HADHA: variants seen among roughly 807,000 people sequenced by gnomAD.
HADHA encodes trifunctional enzyme subunit alpha, mitochondrial.
A neutral mutation model predicts 91.3 loss-of-function variants in HADHA; 59 were observed. The ratio of observed to expected loss-of-function variants is 0.65; its 90% confidence interval spans 0.52 to 0.80. HADHA has a LOEUF of 0.80. Ranked by LOEUF, HADHA falls within the 30% of genes least tolerant of loss-of-function variation. HADHA has a pLI of 0.00. For missense variants in HADHA, 800 were observed against 927.6 expected (o/e 0.86, Z 1.79); for synonymous variants, 320 against 338.9 (o/e 0.94, Z 0.61).
intron 4 of HADHA, among the ~76,000 whole-genome samples, chr2:26,234,765 CAA>C (rs199781944): frequency 4.7e-4 from 42 of 88,924 alleles, no homozygotes; most frequent in Admixed American, 4.7e-4. Context: ...GACTCTGTCT[CAA>C]AAAAAAAAAA....
At chr2:26,213,776 T>C (rs1670156688) in intron 9 of HADHA, among the ~76,000 whole-genome samples, 1 of 152,220 alleles carries the variant, frequency 6.6e-6, no homozygotes. Context: ...GTCCAGCCTG[T>C]GAGACGAAGG....
rs754004337 is a variant in HADHA at position 26,209,903 on chromosome 2, G to T, written c.976-14C>A. On this transcript the variant is annotated splice_polypyrimidine_tract_variant and intron_variant, in intron 10 of 19. Coordinates refer to ENST00000380649, the MANE Select transcript of HADHA (RefSeq NM_000182.5). ...CTCTCCAAATTTCTGAAAAGTAAAG[G>T]GGAATGAGAAAAGGTAGAACTTCAC... The T allele has an allele frequency of 1.5e-6, 2 of 1,308,020 alleles. No homozygotes were observed. The highest frequency in any genetic ancestry group is 1.1e-6 in the Non-Finnish European group (1 of 900,406). 81.0% of individuals were successfully genotyped at this position (1,308,020 alleles called of 1,614,324 possible).
rs11406704 is a variant in HADHA, at chr2:26,216,317, A to ATTTT, written c.677-1146_677-1143dup. Among the ~76,000 whole-genome samples the ATTTT allele has an allele frequency of 1.7e-4, 19 of 110,152 alleles. 1 individual carries two copies. Among genetic ancestry groups the ATTTT allele is most frequent in the African/African-American group, 2.8e-4 (8 of 28,306 alleles). 72.3% of individuals were successfully genotyped at this position (110,152 alleles called of 152,430 possible). Reference sequence around the variant, plus strand: ...ATCTCTCCCTTAAGACATTTGACCTATTTTTTTTTTTTTTTTTTTTTGAGA... The same window carrying ATTTT: ...ATCTCTCCCTTAAGACATTTGACCTATTTTTTTTTTTTTTTTTTTTTTTTTGAGA... On this transcript the variant is annotated intron_variant, in intron 7 of 19. Coordinates refer to ENST00000380649, the MANE Select transcript of HADHA (RefSeq NM_000182.5).
At chr2:26,217,310 C>T (rs1670261134) in intron 7 of HADHA, among the ~76,000 whole-genome samples, 1 of 152,134 alleles carries the variant, frequency 6.6e-6, no homozygotes, top group African/African-American at 2.4e-5. Flanking sequence ...AACAAACAAC[C>T]CAGAGCTTCA....
intron 1 of HADHA, 88 bp downstream of exon 1, chr2:26,244,442 C>T (rs1671023206): frequency 4.5e-6 from 6 of 1,327,086 alleles, no homozygotes; most frequent in African/African-American, 1.5e-5. Context: ...GGGCAGGCGG[C>T]AGCGAAAGGG....
In HADHA at chr2:26,200,793, C is replaced by T. The variant is rs572922630; in HGVS notation, c.1392+356G>A. ...TGTCACCCAGACTGGAGTGCAGTGG[C>T]GTGATCTCGGCTCACTGCAACCTCT... is the stretch of plus-strand genomic sequence containing the variant. On this transcript the variant is annotated intron_variant, in intron 13 of 19. Coordinates refer to ENST00000380649, the MANE Select transcript of HADHA (RefSeq NM_000182.5). Among the ~76,000 whole-genome samples the T allele has an allele frequency of 1.1e-3, 168 of 150,904 alleles. No individual in the cohort carries two copies. In the Middle Eastern group the frequency reaches 0.014, roughly 12 times the overall value.
chr2:26,201,350 G>A (rs1206961389), intron 12 of HADHA, 30 bp from the exon 13 acceptor site: 8 of 1,493,378 alleles, frequency 5.4e-6, no homozygotes, highest in Non-Finnish European at 7.5e-6. Flanking sequence ...AGTTAGATGG[G>A]AAGAAAAGGA....
intron 7 of HADHA, among the ~76,000 whole-genome samples, chr2:26,225,265 G>C (rs536610177): frequency 6.6e-6 from 1 of 152,050 alleles, no homozygotes; most frequent in South Asian, 2.1e-4. Flanking sequence ...CAGGTAGGTG[G>C]ATCATGAGGT....
At chr2:26,202,237 C>T (rs1297028811) in intron 12 of HADHA, among the ~76,000 whole-genome samples, 1 of 152,124 alleles carries the variant, frequency 6.6e-6, no homozygotes, top group African/African-American at 2.4e-5. Context: ...CCATAGGGAG[C>T]AGAAAAGGAT....
At chr2:26,203,665 C>T (rs746761781) in intron 12 of HADHA, among the ~76,000 whole-genome samples, 5 of 152,192 alleles carry the variant, frequency 3.3e-5, no homozygotes, top group Non-Finnish European at 4.4e-5. Flanking sequence ...GTCTTCTCAA[C>T]AGAGACAGTC....
chr2:26,241,409 C>G (rs1454031785), intron 1 of HADHA, among the ~76,000 whole-genome samples: 1 of 150,940 alleles, frequency 6.6e-6, no homozygotes, highest in Middle Eastern at 3.2e-3. Flanking sequence ...CACCTGAGGT[C>G]GGGAGTTAGA....
chr2:26,216,153 C>T (rs1670214257), intron 7 of HADHA, among the ~76,000 whole-genome samples: 1 of 152,104 alleles, frequency 6.6e-6, no homozygotes, highest in African/African-American at 2.4e-5. Flanking sequence ...AAAACAGACA[C>T]CTACCAGGCT....
intron 11 of HADHA, among the ~76,000 whole-genome samples, chr2:26,205,431 G>A (rs1669947701): frequency 6.6e-6 from 1 of 152,128 alleles, no homozygotes; most frequent in Non-Finnish European, 1.5e-5. Context: ...TATGGTGAGT[G>A]ATAAGTAATT....
intron 1 of HADHA, among the ~76,000 whole-genome samples, chr2:26,242,136 C>T (rs982315765): frequency 2.0e-5 from 3 of 152,258 alleles, no homozygotes; most frequent in South Asian, 2.1e-4. Context: ...GTGATCTGCC[C>T]GCCTTGGCCT....
At chr2:26,216,317 A>ATTTTTTTTTT (rs11406704) in intron 7 of HADHA, among the ~76,000 whole-genome samples, 1 of 110,190 alleles carries the variant, frequency 9.1e-6, no homozygotes, top group Non-Finnish European at 1.7e-5. Flanking sequence ...CATTTGACCT[A>ATTTTTTTTTT]TTTTTTTTTT....
intron 4 of HADHA, among the ~76,000 whole-genome samples, chr2:26,236,207 C>T (rs1670747553): frequency 6.6e-6 from 1 of 152,058 alleles, no homozygotes; most frequent in Non-Finnish European, 1.5e-5. Context: ...GAATAGTCCA[C>T]ATTTTACTTA....
chr2:26,191,643 A>AGAT lies in HADHA; in HGVS notation c.2001-18_2001-16dup, dbSNP rs1669508436. The AGAT allele has an allele frequency of 6.2e-7, 1 of 1,613,762 alleles. No individual in the cohort carries two copies. The highest frequency in any genetic ancestry group is 8.5e-7 in the Non-Finnish European group (1 of 1,179,772). On this transcript the variant is annotated splice_polypyrimidine_tract_variant and intron_variant, in intron 18 of 19. Coordinates refer to ENST00000380649, the MANE Select transcript of HADHA (RefSeq NM_000182.5). Reference sequence around the variant, plus strand: ...CGTCTGATGAGCTGCCAACAGAAAGAGATGTTTAGGTAGAAGAAGAGGAAA... The same window carrying AGAT: ...CGTCTGATGAGCTGCCAACAGAAAGAGATGATGTTTAGGTAGAAGAAGAGGAAA...
At chr2:26,235,035 A>T (rs532566908) in intron 4 of HADHA, 1 of 152,456 alleles carries the variant, frequency 6.6e-6, no homozygotes, top group South Asian at 2.1e-4. Flanking sequence ...TAGGCCAGGC[A>T]TGGTGGCTCA....
At chr2:26,233,871 A>G (rs59381496) in intron 5 of HADHA, among the ~76,000 whole-genome samples, 2,794 of 152,294 alleles carry the variant, frequency 0.018, 85 homozygotes, top group African/African-American at 0.063. Flanking sequence ...ACCTGAGGTC[A>G]GGAGTTTGAG....
Sources: allele counts gnomAD v4.1 joint callset (sites outside exome capture counted in the v4.1 genomes callset), GRCh38; gene constraint gnomAD v4.1.1; transcripts MANE v1.5; gene names NCBI Gene and HGNC (gene_info 2026-07-23, HGNC 2026-07-21).